The following EXOC2 variants were observed in gnomAD, a reference collection of about 807,000 sequenced individuals.
EXOC2 encodes SEC5-like 1.
In EXOC2, 70 loss-of-function variants were observed where a neutral mutation model predicts 131.8. The observed-to-expected ratio is 0.53, with a 90% CI of 0.44 to 0.65. The LOEUF is 0.65. EXOC2 is among the 30% of genes least tolerant of loss of function. The probability of loss-of-function intolerance (pLI) is 0.00; values close to 1 mark genes in which losing one functional copy is unlikely to be tolerated. For missense variants in EXOC2, 923 were observed against 1,108.6 expected (o/e 0.83, Z 2.38); for synonymous variants, 411 against 398.4 (o/e 1.03, Z -0.38).
chr6:544,586 CATAT>C (rs1018932413), intron 22 of EXOC2, among the ~76,000 whole-genome samples: 1 of 152,058 alleles, frequency 6.6e-6, no homozygotes, highest in African/African-American at 2.4e-5. Context: ...AAATGAAACA[CATAT>C]ATATAGAGAT....
At chr6:661,980 A>G (rs1325852144) in intron 1 of EXOC2, among the ~76,000 whole-genome samples, 9 of 152,234 alleles carry the variant, frequency 5.9e-5, no homozygotes, top group Non-Finnish European at 1.3e-4. Flanking sequence ...GCAAATGGAC[A>G]CCAAAAGAGA....
chr6:525,101 G>A (rs749291660), intron 23 of EXOC2: 1 of 152,172 alleles, frequency 6.6e-6, no homozygotes, highest in Non-Finnish European at 1.5e-5. Context: ...ACTGTGGAAC[G>A]GTTAGTCTGA....
At chr6:641,978 C>T in intron 1 of EXOC2, among the ~76,000 whole-genome samples, 1 of 152,070 alleles carries the variant, frequency 6.6e-6, no homozygotes, top group Admixed American at 6.6e-5. Context: ...AGCCCACAAC[C>T]TCCTCCACAT....
At chr6:570,835 G>T (rs920368084) in intron 13 of EXOC2, among the ~76,000 whole-genome samples, 1 of 152,208 alleles carries the variant, frequency 6.6e-6, no homozygotes, top group Non-Finnish European at 1.5e-5. Flanking sequence ...CATGACAGGG[G>T]AGCATCTAAT....
chr6:555,351 G>T, intron 19 of EXOC2, 63 bp from the exon 20 acceptor site: 1 of 1,042,600 alleles, frequency 9.6e-7, no homozygotes, highest in Non-Finnish European at 1.4e-6. Flanking sequence ...TAATCTATTT[G>T]GACACTAAAG....
chr6:692,734 G>A (rs557675279), intron 1 of EXOC2, among the ~76,000 whole-genome samples: 1 of 151,526 alleles, frequency 6.6e-6, no homozygotes, highest in Non-Finnish European at 1.5e-5. Context: ...CCTGGAGTCA[G>A]CCCTCTGCAG....
intron 1 of EXOC2, among the ~76,000 whole-genome samples, chr6:685,851 T>C (rs1471390338): frequency 6.8e-6 from 1 of 148,060 alleles, no homozygotes; most frequent in Non-Finnish European, 1.5e-5. Context: ...AAGTAATGTA[T>C]CCTGCTTTCC....
At chr6:651,724 GC>G (rs1335042756) in intron 1 of EXOC2, among the ~76,000 whole-genome samples, 2 of 151,284 alleles carry the variant, frequency 1.3e-5, no homozygotes, top group Non-Finnish European at 2.9e-5. Context: ...GCTCATGAGG[GC>G]AGAAGATTTT....
intron 7 of EXOC2, among the ~76,000 whole-genome samples, chr6:603,414 A>G (rs1263294376): frequency 1.3e-5 from 2 of 152,122 alleles, no homozygotes; most frequent in African/African-American, 4.8e-5. Flanking sequence ...CCTGTTTCAC[A>G]GCACTATGCC....
At chr6:531,875 T>C (rs1038667613) in intron 23 of EXOC2, among the ~76,000 whole-genome samples, 1 of 152,254 alleles carries the variant, frequency 6.6e-6, no homozygotes, top group Non-Finnish European at 1.5e-5. Flanking sequence ...AATCAAAAGT[T>C]TACTTGATTC....
In EXOC2 at chr6:564,168, C is replaced by A; in HGVS notation, c.1668-14G>T. 1.2e-6 allele frequency: 2 copies of A among 1,612,980 alleles called. No individual in the cohort carries two copies. Among genetic ancestry groups the A allele is most frequent in the Non-Finnish European group, 8.5e-7 (1 of 1,179,472 alleles). ...TCATGAGTAAGTCTGCGAACAAACA[C>A]ATCCAAACAGAAGTGAGCAGAGTGG... On this transcript the variant is annotated splice_polypyrimidine_tract_variant and intron_variant, in intron 15 of 27. Transcript: ENST00000230449.
At chr6:490,665 CACAG>C (rs549769897) in intron 26 of EXOC2, among the ~76,000 whole-genome samples, 61 of 152,290 alleles carry the variant, frequency 4.0e-4, no homozygotes, top group South Asian at 8.3e-4. Context: ...AACAATTTTG[CACAG>C]ACAAACAGTA....
At chr6:672,002 A>G (rs1173045871) in intron 1 of EXOC2, among the ~76,000 whole-genome samples, 1 of 152,152 alleles carries the variant, frequency 6.6e-6, no homozygotes, top group African/African-American at 2.4e-5. Context: ...AAAAACTCTC[A>G]GCCATTATTA....
At chr6:599,303 A>C in intron 7 of EXOC2, 78 bp from the exon 8 acceptor site, 1 of 1,320,640 alleles carries the variant, frequency 7.6e-7, no homozygotes, top group African/African-American at 1.5e-5. Flanking sequence ...ACTAGAAACA[A>C]AATGTTAATA....
chr6:499,843 A>G lies in EXOC2; in HGVS notation c.2381-143T>C, dbSNP rs527660222. 385 of 645,692 alleles carry G rather than the reference A, an allele frequency of 6.0e-4. 6 individuals are homozygous for G. In the South Asian group the frequency reaches 7.4e-3, roughly 12 times the overall value. 40.0% of individuals were successfully genotyped at this position (645,692 alleles called of 1,614,324 possible). A position where few individuals can be genotyped will look rare whatever the true frequency, so the allele number is the denominator to read the frequency against. Reference sequence around the variant, plus strand: ...CACCACTATTTCCTTTTGAGAATCAAATGGTGAAAGGAGTATTTCCATACA... The same window carrying G: ...CACCACTATTTCCTTTTGAGAATCAGATGGTGAAAGGAGTATTTCCATACA... On this transcript the variant is annotated intron_variant, in intron 23 of 27. Transcript: ENST00000230449.
At chr6:654,438 T>G (rs908262541) in intron 1 of EXOC2, among the ~76,000 whole-genome samples, 1 of 152,054 alleles carries the variant, frequency 6.6e-6, no homozygotes, top group African/African-American at 2.4e-5. Context: ...CACGGATGAC[T>G]TTAAGGAGTT....
At chr6:587,114 G>A (rs1241760235) in intron 11 of EXOC2, among the ~76,000 whole-genome samples, 5 of 152,056 alleles carry the variant, frequency 3.3e-5, no homozygotes, top group Admixed American at 6.6e-5. Context: ...AACAACAGTT[G>A]TAGATCACAC....
intron 22 of EXOC2, among the ~76,000 whole-genome samples, chr6:536,118 T>C (rs190009373): frequency 6.6e-6 from 1 of 152,280 alleles, no homozygotes; most frequent in East Asian, 1.9e-4. Context: ...TAAGGCAAAG[T>C]TGTCCCCTTT....
chr6:579,212 C>G (rs1178147121), intron 11 of EXOC2, among the ~76,000 whole-genome samples: 1 of 152,110 alleles, frequency 6.6e-6, no homozygotes, highest in Non-Finnish European at 1.5e-5. Flanking sequence ...CTCCTTATAA[C>G]TGGTATTTTT....
Sources: allele counts gnomAD v4.1 joint callset (sites outside exome capture counted in the v4.1 genomes callset), GRCh38; gene constraint gnomAD v4.1.1; transcripts MANE v1.5; gene names NCBI Gene and HGNC (gene_info 2026-07-23, HGNC 2026-07-21).